The following TRPM3 variants were observed in gnomAD, a reference collection of about 807,000 sequenced individuals.
The protein encoded by TRPM3 is long transient receptor potential channel 3.
In TRPM3, 77 loss-of-function variants were observed where a neutral mutation model predicts 181.2. That is an observed-to-expected ratio of 0.42 (90% CI 0.35 to 0.51). TRPM3 has a LOEUF of 0.51. Ranked by LOEUF, TRPM3 falls within the 20% of genes least tolerant of loss-of-function variation. TRPM3 has a pLI of 0.01. For missense variants in TRPM3, 1,759 were observed against 2,196.7 expected, an observed-to-expected ratio of 0.80 and a Z score of 3.98; for synonymous variants, 745 against 796.4, an observed-to-expected ratio of 0.94 and a Z score of 1.09.
chr9:71,273,078 T>G (rs1219423812), intron 1 of TRPM3, among the ~76,000 whole-genome samples: 19 of 152,144 alleles, frequency 1.2e-4, no homozygotes, highest in Non-Finnish European at 2.8e-4. Context: ...TTTCACCATG[T>G]TGCCCAGGCT....
At chr9:71,301,403 C>T (rs1390363762) in intron 1 of TRPM3, among the ~76,000 whole-genome samples, 3 of 152,082 alleles carry the variant, frequency 2.0e-5, no homozygotes, top group African/African-American at 7.2e-5. Flanking sequence ...TTCTTAATTC[C>T]CAAGGGTCAC....
chr9:71,320,000 CA>C (rs1163851634), intron 1 of TRPM3, among the ~76,000 whole-genome samples: 3 of 152,064 alleles, frequency 2.0e-5, no homozygotes, highest in Admixed American at 2.0e-4. Context: ...GGGCAAGGAG[CA>C]GTTAAAAATA....
chr9:70,804,796 A>G (rs568353612), intron 6 of TRPM3, among the ~76,000 whole-genome samples: 2 of 151,476 alleles, frequency 1.3e-5, no homozygotes, highest in South Asian at 2.1e-4. Context: ...TCTTCTTTCT[A>G]TCTCTCCTTA....
intron 1 of TRPM3, among the ~76,000 whole-genome samples, chr9:71,321,029 T>G (rs1333849636): frequency 6.6e-6 from 1 of 152,096 alleles, no homozygotes; most frequent in Non-Finnish European, 1.5e-5. Context: ...CTGGTCCACT[T>G]CTACCAATTT....
intron 1 of TRPM3, among the ~76,000 whole-genome samples, chr9:71,392,024 T>C (rs991907667): frequency 2.6e-5 from 4 of 152,082 alleles, no homozygotes; most frequent in Admixed American, 2.0e-4. Flanking sequence ...TAAAGAAAAA[T>C]TCAGTAGAAT....
chr9:70,745,692 T>C (rs970752850), intron 8 of TRPM3, among the ~76,000 whole-genome samples: 1 of 152,224 alleles, frequency 6.6e-6, no homozygotes, highest in Non-Finnish European at 1.5e-5. Flanking sequence ...ATTCCTCTTA[T>C]GACTATAAGT....
intron 1 of TRPM3, among the ~76,000 whole-genome samples, chr9:71,208,961 G>C (rs866926339): frequency 1.8e-4 from 28 of 152,168 alleles, no homozygotes; most frequent in African/African-American, 6.0e-4. Flanking sequence ...AGCAGTCCAT[G>C]CAACTATTTA....
intron 1 of TRPM3, among the ~76,000 whole-genome samples, chr9:71,356,369 C>T (rs1481082645): frequency 1.3e-5 from 2 of 151,988 alleles, no homozygotes; most frequent in Admixed American, 6.6e-5. Flanking sequence ...TCCCTGTATG[C>T]ATCCAGGTGT....
At chr9:70,983,647 C>A (rs1393555331) in intron 1 of TRPM3, among the ~76,000 whole-genome samples, 1 of 152,094 alleles carries the variant, frequency 6.6e-6, no homozygotes, top group African/African-American at 2.4e-5. Flanking sequence ...AACAGAAAGG[C>A]TTTAGAGGTA....
chr9:70,929,020 T>G (rs1021104709), intron 1 of TRPM3, among the ~76,000 whole-genome samples: 1 of 152,174 alleles, frequency 6.6e-6, no homozygotes, highest in Non-Finnish European at 1.5e-5. Flanking sequence ...CATGGCTTTC[T>G]CCATTATCCA....
chr9:70,546,567 C>T (rs1588159932), intron 25 of TRPM3, among the ~76,000 whole-genome samples: 1 of 151,154 alleles, frequency 6.6e-6, no homozygotes, highest in Non-Finnish European at 1.5e-5. Flanking sequence ...GCCTGGTATT[C>T]ACATGTTGAA....
chr9:71,206,397 C>T (rs1212448911), intron 1 of TRPM3, among the ~76,000 whole-genome samples: 2 of 151,982 alleles, frequency 1.3e-5, no homozygotes, highest in African/African-American at 2.4e-5. Flanking sequence ...AGTCTTCTTT[C>T]GAAAAGTTTC....
chr9:71,303,626 C>A (rs922688890), intron 1 of TRPM3, among the ~76,000 whole-genome samples: 3 of 152,138 alleles, frequency 2.0e-5, no homozygotes, highest in Non-Finnish European at 2.9e-5. Flanking sequence ...CCCTGAGGGA[C>A]AGAGGAGAGA....
At chr9:71,286,383 A>G (rs2085278290) in intron 1 of TRPM3, among the ~76,000 whole-genome samples, 3 of 152,284 alleles carry the variant, frequency 2.0e-5, no homozygotes, top group Middle Eastern at 6.8e-3. Flanking sequence ...TCATGTGCAA[A>G]GCTCATTTTG....
chr9:70,968,610 T>C (rs2097208327), intron 1 of TRPM3, among the ~76,000 whole-genome samples: 2 of 152,174 alleles, frequency 1.3e-5, no homozygotes, highest in Admixed American at 6.5e-5. Context: ...TATTAAATAC[T>C]GTCTGTGAAA....
At chr9:71,095,587 C>T (rs764785855) in intron 1 of TRPM3, among the ~76,000 whole-genome samples, 18 of 151,720 alleles carry the variant, frequency 1.2e-4, no homozygotes, top group Non-Finnish European at 2.1e-4. Context: ...AGCAAAACCT[C>T]GTCCCTACTA....
Position 71,233,710 on chromosome 9 carries a change from T to C in TRPM3, c.183+212943A>G, listed in dbSNP as rs149280343. ...GTTAAATAAATTGTAGGTGTTATTA[T>C]TAGCATTAGAAAGACTTCTAGAGCT... On this transcript the variant is annotated intron_variant, in intron 1 of 24. Coordinates refer to the TRPM3 transcript ENST00000357533. Among the ~76,000 whole-genome samples, 856 of 152,316 alleles carry C rather than the reference T, an allele frequency of 5.6e-3. 13 individuals carry two copies. Among genetic ancestry groups the C allele is most frequent in the African/African-American group, 0.02 (828 of 41,564 alleles).
intron 1 of TRPM3, among the ~76,000 whole-genome samples, chr9:70,876,839 T>C (rs1478856715): frequency 6.6e-6 from 1 of 152,028 alleles, no homozygotes; most frequent in Non-Finnish European, 1.5e-5. Flanking sequence ...ATTAATAGAC[T>C]TTATTTTTTA....
intron 1 of TRPM3, among the ~76,000 whole-genome samples, chr9:71,170,355 C>T (rs1342087935): frequency 6.6e-6 from 1 of 152,182 alleles, no homozygotes; most frequent in Non-Finnish European, 1.5e-5. Flanking sequence ...AACGTCTGGA[C>T]TGCTAATCCT....
Sources: allele counts gnomAD v4.1 joint callset (sites outside exome capture counted in the v4.1 genomes callset), GRCh38; gene constraint gnomAD v4.1.1; transcripts MANE v1.5; gene names NCBI Gene and HGNC (gene_info 2026-07-23, HGNC 2026-07-21).